Variants in ANO10 observed in about 807,000 individuals in gnomAD.
ANO10 encodes the protein anoctamin-10.
ANO10 carries 77 observed loss-of-function variants against 74.7 expected under a neutral mutation model. The ratio of observed to expected loss-of-function variants is 1.03; its 90% CI spans 0.86 to 1.25. ANO10 has a LOEUF of 1.25. Among genes scored for constraint, ANO10 ranks in the 50% most tolerant of loss-of-function variants. ANO10 has a pLI of 0.00. For synonymous variants in ANO10, 279 were observed against 284.9 expected (o/e 0.98, Z 0.21); for missense variants, 721 against 778.1 (o/e 0.93, Z 0.87).
At chr3:43,562,697 A>G (rs2080106921) in intron 8 of ANO10, among the ~76,000 whole-genome samples, 1 of 151,908 alleles carries the variant, frequency 6.6e-6, no homozygotes, top group South Asian at 2.1e-4. Flanking sequence ...AAAAAGAAGA[A>G]TGTATATTGG....
chr3:43,387,954 C>A (rs75524362), intron 12 of ANO10, among the ~76,000 whole-genome samples: 1 of 151,888 alleles, frequency 6.6e-6, no homozygotes, highest in Non-Finnish European at 1.5e-5. Context: ...TTTCCAATTT[C>A]TTTTTTTCCT....
At chr3:43,534,481 A>G (rs765327614) in intron 11 of ANO10, among the ~76,000 whole-genome samples, 1 of 149,256 alleles carries the variant, frequency 6.7e-6, no homozygotes, top group Non-Finnish European at 1.5e-5. Flanking sequence ...CGCATGAGAG[A>G]GAGCGCGCAA....
At position 43,685,443 on chromosome 3, in the gene ANO10, A is replaced by G. The variant is rs1454376441; in HGVS notation, c.-12+6074T>C. On this transcript the variant is annotated intron_variant, in intron 1 of 3. Transcript: ENST00000413397. ...TGGAGGTACTAGACTTTATTTAATC[A>G]TAAGCATTCTTATTAATGTCTTTCT... is the stretch of plus-strand genomic sequence containing the variant. 2.6e-5 allele frequency among the ~76,000 whole-genome samples: 4 copies of G among 152,218 alleles called. No individual in the cohort carries two copies. The East Asian group carries it at 7.7e-4, about 29-fold the overall frequency.
chr3:43,526,590 G>C (rs2078208059), intron 11 of ANO10, among the ~76,000 whole-genome samples: 1 of 152,194 alleles, frequency 6.6e-6, no homozygotes, highest in Non-Finnish European at 1.5e-5. Context: ...ATTGATGTCA[G>C]GAAAGTGGTT....
chr3:43,481,523 T>C (rs2076268919), intron 11 of ANO10, among the ~76,000 whole-genome samples: 2 of 152,142 alleles, frequency 1.3e-5, no homozygotes, highest in Admixed American at 1.3e-4. Flanking sequence ...GGGTTGAACA[T>C]GCCTCATTAT....
At chr3:43,640,307 T>C (rs1468725138) in intron 1 of ANO10, among the ~76,000 whole-genome samples, 2 of 152,212 alleles carry the variant, frequency 1.3e-5, no homozygotes, top group South Asian at 4.1e-4. Context: ...CATTCTGTTG[T>C]TTCTAAACCA....
intron 11 of ANO10, among the ~76,000 whole-genome samples, chr3:43,434,456 T>C (rs980780099): frequency 2.6e-5 from 4 of 152,154 alleles, no homozygotes; most frequent in South Asian, 2.1e-4. Context: ...TACAAGACAA[T>C]CTCTTCAGTG....
chr3:43,542,255 T>C (rs1575384092), intron 11 of ANO10, among the ~76,000 whole-genome samples: 1 of 152,154 alleles, frequency 6.6e-6, no homozygotes, highest in East Asian at 1.9e-4. Flanking sequence ...CCGAAACAAA[T>C]ATTCAGAAGT....
chr3:43,499,651 A>G (rs1302678120), intron 11 of ANO10, among the ~76,000 whole-genome samples: 1 of 152,042 alleles, frequency 6.6e-6, no homozygotes. Context: ...ATTCTCCCAT[A>G]TACCACCAAG....
intron 1 of ANO10, chr3:43,617,898 C>T (rs1439285201): frequency 2.0e-5 from 3 of 152,050 alleles, no homozygotes; most frequent in Non-Finnish European, 2.9e-5. Context: ...AATGAAGGAC[C>T]GCACTGCTCA....
At chr3:43,573,581 G>A (rs143504427) in intron 7 of ANO10, among the ~76,000 whole-genome samples, 4 of 152,190 alleles carry the variant, frequency 2.6e-5, no homozygotes, top group African/African-American at 9.6e-5. Context: ...TGATTCTTCA[G>A]GTAACTTTCT....
chr3:43,627,805 C>T (rs1401662549), intron 1 of ANO10, among the ~76,000 whole-genome samples: 1 of 151,006 alleles, frequency 6.6e-6, no homozygotes, highest in African/African-American at 2.4e-5. Context: ...AGTTGCTGCA[C>T]ATATATATAT....
intron 11 of ANO10, among the ~76,000 whole-genome samples, chr3:43,494,962 A>G (rs2076861309): frequency 6.6e-6 from 1 of 152,156 alleles, no homozygotes; most frequent in South Asian, 2.1e-4. Flanking sequence ...ACAAATTTCT[A>G]GAGAAAAATT....
chr3:43,458,310 A>T (rs976619972), intron 11 of ANO10, among the ~76,000 whole-genome samples: 1 of 152,204 alleles, frequency 6.6e-6, no homozygotes, highest in Non-Finnish European at 1.5e-5. Context: ...AAAGACAGAC[A>T]CACTTTATAA....
intron 11 of ANO10, among the ~76,000 whole-genome samples, chr3:43,525,807 C>T: frequency 6.6e-6 from 1 of 152,152 alleles, no homozygotes; most frequent in Middle Eastern, 3.2e-3. Flanking sequence ...TTTCCTCCTT[C>T]TGTTTTCAAT....
At chr3:43,546,679 A>G (rs1328027394) in intron 11 of ANO10, among the ~76,000 whole-genome samples, 2 of 152,132 alleles carry the variant, frequency 1.3e-5, no homozygotes, top group African/African-American at 4.8e-5. Context: ...TATGGGCTCA[A>G]TAGTAGTGTG....
At chr3:43,598,692 T>C in intron 3 of ANO10, 26 bp from the exon 4 acceptor site, 3 of 1,547,704 alleles carry the variant, frequency 1.9e-6, no homozygotes, top group South Asian at 2.3e-5. Context: ...AATTACCAGA[T>C]TTTAGTAATA....
rs2093001606 is a variant in ANO10, at chr3:43,432,676, G to A, written c.1849C>T (p.Pro617Ser). The A allele has an allele frequency of 6.2e-7, 1 of 1,613,852 alleles. No homozygotes were observed. Among genetic ancestry groups the A allele is most frequent in the Non-Finnish European group, 8.5e-7 (1 of 1,179,938 alleles). Reference sequence around the variant, plus strand: ...GCTAGTTTCATCTGGATATGCCGTGGCTTATCAGGTATGGCAAATGCAAGT... The same window carrying A: ...GCTAGTTTCATCTGGATATGCCGTGACTTATCAGGTATGGCAAATGCAAGT... Reference protein sequence around the residue: ...FILAFAIPDKPRHIQMKLARL... With the variant: ...FILAFAIPDKSRHIQMKLARL... Residue 617 changes from proline (P) to serine (S), a missense_variant, in exon 12 of 13, where the codon CCA (proline) becomes TCA (serine). Coordinates refer to ENST00000292246, the MANE Select transcript of ANO10 (RefSeq NM_018075.5).
At chr3:43,670,926 C>T (rs560538102) in intron 1 of ANO10, among the ~76,000 whole-genome samples, 1 of 152,156 alleles carries the variant, frequency 6.6e-6, no homozygotes, top group East Asian at 1.9e-4. Flanking sequence ...TTTATCAACC[C>T]ACCACCAACT....
Sources: gnomAD v4.1 joint callset for allele counts (sites outside exome capture counted in the v4.1 genomes callset) on GRCh38, gnomAD v4.1.1 for gene constraint, MANE v1.5 for transcripts, NCBI Gene and HGNC (gene_info 2026-07-23, HGNC 2026-07-21) for gene names.